Variants in TTC27 observed in about 807,000 individuals in gnomAD.
The protein encoded by TTC27 is tetratricopeptide repeat protein 27.
Under a neutral mutation model 115.9 loss-of-function variants are expected in TTC27, and 79 were observed. The ratio of observed to expected loss-of-function variants is 0.68; its 90% CI spans 0.57 to 0.82. TTC27 has a LOEUF of 0.82. TTC27 is among the 40% of genes least tolerant of loss of function. The pLI is 0.00. For synonymous variants in TTC27, 401 were observed against 356.0 expected, an observed-to-expected ratio of 1.13 and a Z score of -1.42; for missense variants, 1,054 against 993.1, an observed-to-expected ratio of 1.06 and a Z score of -0.82.
At chr2:32,687,017 G>A (rs528145833) in intron 9 of TTC27, among the ~76,000 whole-genome samples, 18 of 151,998 alleles carry the variant, frequency 1.2e-4, no homozygotes, top group East Asian at 9.7e-4. Flanking sequence ...GCTAGTTTTC[G>A]TATTTTTAGT....
chr2:32,645,765 G>T (rs1664829504), intron 4 of TTC27, among the ~76,000 whole-genome samples: 1 of 151,730 alleles, frequency 6.6e-6, no homozygotes, highest in Non-Finnish European at 1.5e-5. Context: ...CGCCCAGGCT[G>T]GAGTGCAGTG....
chr2:32,678,520 C>T (rs1042833901), intron 8 of TTC27, among the ~76,000 whole-genome samples: 4 of 151,948 alleles, frequency 2.6e-5, no homozygotes, highest in Non-Finnish European at 5.9e-5. Flanking sequence ...CTCCGCCTCC[C>T]GGGTTCACGC....
chr2:32,786,640 T>G (rs919447526), intron 15 of TTC27, among the ~76,000 whole-genome samples: 1 of 152,176 alleles, frequency 6.6e-6, no homozygotes, highest in Non-Finnish European at 1.5e-5. Flanking sequence ...GGTTTGCAAT[T>G]GTGCTTGCTT....
chr2:32,808,374 T>G (rs1306953811), intron 16 of TTC27, among the ~76,000 whole-genome samples: 2 of 152,252 alleles, frequency 1.3e-5, no homozygotes, highest in Non-Finnish European at 2.9e-5. Context: ...GGAACTCTTT[T>G]CTAAGCTCCA....
rs1268795754 is a variant in TTC27 at position 32,735,866 on chromosome 2, ATTAT to A, written c.1330-821_1330-818del. Among the ~76,000 whole-genome samples, 3 of 152,074 alleles carry A rather than the reference ATTAT, an allele frequency of 2.0e-5. No homozygotes were observed. In the East Asian group the frequency reaches 5.9e-4, roughly 30 times the overall value. On this transcript the variant is annotated intron_variant, in intron 11 of 19. Coordinates refer to ENST00000317907, the MANE Select transcript of TTC27 (RefSeq NM_017735.5). Reference sequence around the variant, plus strand: ...GTTACTGATGTATTGGATCATTCTCATTATTTATTTTGATAATCTGTAGCTTATA... The same window carrying A: ...GTTACTGATGTATTGGATCATTCTCATTATTTTGATAATCTGTAGCTTATA...
At chr2:32,683,266 G>A (rs1666506181) in intron 9 of TTC27, among the ~76,000 whole-genome samples, 1 of 152,124 alleles carries the variant, frequency 6.6e-6, no homozygotes, top group Non-Finnish European at 1.5e-5. Context: ...TGGATTTACA[G>A]GGGTGAGCCA....
chr2:32,711,483 CTTTG>C (rs770197209), intron 10 of TTC27, among the ~76,000 whole-genome samples: 3 of 152,142 alleles, frequency 2.0e-5, no homozygotes, highest in Non-Finnish European at 2.9e-5. Context: ...CTTGATATTA[CTTTG>C]TTTGTTGAAG....
chr2:32,650,054 TC>T, intron 4 of TTC27, 76 bp from the exon 5 acceptor site: 1 of 1,215,642 alleles, frequency 8.2e-7, no homozygotes, highest in Middle Eastern at 2.0e-4. Context: ...GTAAAAAAAT[TC>T]TAAAAATCTC....
intron 12 of TTC27, among the ~76,000 whole-genome samples, chr2:32,738,884 G>A (rs570400788): frequency 1.3e-5 from 2 of 152,276 alleles, no homozygotes; most frequent in South Asian, 4.1e-4. Flanking sequence ...GATGTATGAA[G>A]AAAGGTTGTC....
intron 10 of TTC27, among the ~76,000 whole-genome samples, chr2:32,709,322 A>C (rs1445199288): frequency 6.6e-6 from 1 of 152,202 alleles, no homozygotes; most frequent in Non-Finnish European, 1.5e-5. Context: ...ACTAGCAAAC[A>C]CTACCATAAC....
At chr2:32,676,432 A>G (rs1232665034) in intron 8 of TTC27, among the ~76,000 whole-genome samples, 1 of 151,604 alleles carries the variant, frequency 6.6e-6, no homozygotes, top group Non-Finnish European at 1.5e-5. Context: ...AAATCCTTAA[A>G]CAGTATTGAA....
intron 19 of TTC27, among the ~76,000 whole-genome samples, chr2:32,817,848 G>T (rs11693508): frequency 0.21 from 31,615 of 151,998 alleles, 3,396 homozygotes; most frequent in Admixed American, 0.26. Context: ...TTGAGGTTGG[G>T]AGTTTGAGAC....
intron 15 of TTC27, among the ~76,000 whole-genome samples, chr2:32,786,584 C>T (rs1670355852): frequency 6.6e-6 from 1 of 152,140 alleles, no homozygotes; most frequent in Non-Finnish European, 1.5e-5. Context: ...GTTTTGACCT[C>T]CTTGCCTCTG....
At chr2:32,691,117 A>G (rs1249619034) in intron 9 of TTC27, among the ~76,000 whole-genome samples, 1 of 152,194 alleles carries the variant, frequency 6.6e-6, no homozygotes, top group Non-Finnish European at 1.5e-5. Context: ...GTGCAGTGAC[A>G]AGAATGAGAA....
At chr2:32,635,128 T>C (rs1294876592) in intron 3 of TTC27, 2 of 152,214 alleles carry the variant, frequency 1.3e-5, no homozygotes, top group East Asian at 1.9e-4. Context: ...GTGTCGCCAA[T>C]AGAGCTTGCA....
At chr2:32,706,505 TG>T (rs1667372942) in intron 10 of TTC27, among the ~76,000 whole-genome samples, 1 of 152,258 alleles carries the variant, frequency 6.6e-6, no homozygotes, top group African/African-American at 2.4e-5. Context: ...AAAACAGAAG[TG>T]GGTTTTCTCT....
Position 32,736,858 on chromosome 2 carries a change from C to T in TTC27, c.1452+42C>T, listed in dbSNP as rs371545614. On this transcript the variant is annotated intron_variant, in intron 12 of 19. Coordinates refer to ENST00000317907, the MANE Select transcript of TTC27 (RefSeq NM_017735.5). The stretch of plus-strand genomic sequence containing the variant: ...TTTGATGTACTGGTGAGAGCCTTCC[C>T]TCTGGGAGCATCTTCTCACTTGTTT... 44 of 1,599,762 alleles carry T rather than the reference C, an allele frequency of 2.8e-5. No homozygotes were observed. In the African/African-American group the frequency reaches 4.7e-4, roughly 17 times the overall value.
intron 13 of TTC27, among the ~76,000 whole-genome samples, chr2:32,772,855 G>A (rs985012828): frequency 2.0e-5 from 3 of 152,176 alleles, no homozygotes; most frequent in South Asian, 2.1e-4. Flanking sequence ...TTCAGAATCT[G>A]GGGCATCTGG....
At chr2:32,724,752 A>C (rs72787560) in intron 10 of TTC27, among the ~76,000 whole-genome samples, 4,254 of 152,304 alleles carry the variant, frequency 0.028, 72 homozygotes, top group Middle Eastern at 0.048. Flanking sequence ...GAAATTCCCC[A>C]AAAAATAAAT....
Sources: gnomAD v4.1 joint callset for allele counts (sites outside exome capture counted in the v4.1 genomes callset) on GRCh38, gnomAD v4.1.1 for gene constraint, MANE v1.5 for transcripts, NCBI Gene and HGNC (gene_info 2026-07-23, HGNC 2026-07-21) for gene names.